SLC39A11: variants seen among roughly 807,000 people sequenced by gnomAD.
The protein encoded by SLC39A11 is zinc transporter ZIP11.
Under a neutral mutation model 36.1 loss-of-function variants are expected in SLC39A11, and 33 were observed. The ratio of observed to expected loss-of-function variants is 0.91; its 90% CI spans 0.69 to 1.22. The LOEUF (loss-of-function observed/expected upper bound fraction) is 1.22, where lower values mean the gene tolerates loss of function less well. Among genes scored for constraint, SLC39A11 ranks in the 50% most tolerant of loss-of-function variants. The pLI is 0.00. For synonymous variants in SLC39A11, 166 were observed against 170.3 expected (o/e 0.97, Z 0.20); for missense variants, 432 against 430.3 (o/e 1.00, Z -0.03).
At chr17:72,912,372 T>C (rs1471105766) in intron 5 of SLC39A11, among the ~76,000 whole-genome samples, 1 of 151,306 alleles carries the variant, frequency 6.6e-6, no homozygotes, top group African/African-American at 2.4e-5. Flanking sequence ...CTGGAGAAGG[T>C]GGTGCCCCAA....
chr17:72,656,740 G>A (rs966607133), intron 7 of SLC39A11, among the ~76,000 whole-genome samples: 40 of 152,172 alleles, frequency 2.6e-4, no homozygotes, highest in African/African-American at 9.2e-4. Flanking sequence ...TTGCTAGGAA[G>A]GGACAAAACC....
intron 6 of SLC39A11, among the ~76,000 whole-genome samples, chr17:72,846,388 T>C (rs1186681059): frequency 2.0e-5 from 3 of 152,182 alleles, no homozygotes; most frequent in Non-Finnish European, 4.4e-5. Context: ...AGGCTGAACT[T>C]AGACTTGGAA....
At chr17:72,991,563 T>C (rs1363909908) in intron 4 of SLC39A11, among the ~76,000 whole-genome samples, 4 of 152,154 alleles carry the variant, frequency 2.6e-5, no homozygotes, top group African/African-American at 9.7e-5. Context: ...TTCACCATGT[T>C]GGCCAGGCTG....
At chr17:73,050,685 GA>G (rs1166773155) in intron 3 of SLC39A11, among the ~76,000 whole-genome samples, 1 of 152,076 alleles carries the variant, frequency 6.6e-6, no homozygotes, top group Non-Finnish European at 1.5e-5. Flanking sequence ...GGCTGGTCTT[GA>G]ACTCTTGACC....
At chr17:72,909,742 T>G (rs1312546873) in intron 5 of SLC39A11, among the ~76,000 whole-genome samples, 1 of 100,896 alleles carries the variant, frequency 9.9e-6, no homozygotes, top group Non-Finnish European at 2.4e-5. Flanking sequence ...TTCTTTTTTT[T>G]CTTTTTTCTT....
chr17:72,738,924 A>G (rs942873919), intron 6 of SLC39A11, among the ~76,000 whole-genome samples: 4 of 152,166 alleles, frequency 2.6e-5, no homozygotes, highest in Admixed American at 6.5e-5. Flanking sequence ...AAGGCAGCGG[A>G]GACTTATCCC....
intron 4 of SLC39A11, among the ~76,000 whole-genome samples, chr17:73,018,543 A>G (rs1405551926): frequency 1.3e-5 from 2 of 151,966 alleles, no homozygotes; most frequent in African/African-American, 2.4e-5. Context: ...GCAAGACTCC[A>G]TAACAAAAAA....
intron 5 of SLC39A11, among the ~76,000 whole-genome samples, chr17:72,907,413 C>T (rs112769605): frequency 2.4e-3 from 371 of 152,266 alleles, no homozygotes; most frequent in African/African-American, 8.8e-3. Context: ...TCACTTGAAC[C>T]CAGGAGGCGG....
Position 72,938,488 on chromosome 17 carries a change from G to A in SLC39A11, c.430+9264C>T, listed in dbSNP as rs887622077. 2.6e-5 allele frequency among the ~76,000 whole-genome samples: 4 copies of A among 152,136 alleles called. No individual in the cohort carries two copies. In the South Asian group the frequency reaches 8.3e-4, roughly 32 times the overall value. On this transcript the variant is annotated intron_variant, in intron 5 of 9. Transcript: ENST00000255559. ...TAGGCACTTTTAGTAACAGGCAAAA[G>A]GTTGACATGGGAGTGAATAAATGCA...
rs2452909 is a variant in SLC39A11 at position 72,924,635 on chromosome 17, T to C, written c.430+23117A>G. ...AGCTACCAAGTCCCCAATGAAGATA[T>C]ATTCTCTAATACTTTTTCAGGTGTG... On this transcript the variant is annotated intron_variant, in intron 5 of 9. Transcript: ENST00000255559. 3.8e-3 allele frequency among the ~76,000 whole-genome samples: 583 copies of C among 152,148 alleles called. 6 individuals are homozygous for C. The highest frequency in any genetic ancestry group is 0.013 in the African/African-American group (538 of 41,524).
intron 7 of SLC39A11, among the ~76,000 whole-genome samples, chr17:72,708,886 A>G (rs2072999052): frequency 6.6e-6 from 1 of 151,664 alleles, no homozygotes; most frequent in South Asian, 2.1e-4. Flanking sequence ...TAACGCATGA[A>G]CTTTGCCTTT....
At chr17:72,833,091 A>G (rs1488815407) in intron 6 of SLC39A11, among the ~76,000 whole-genome samples, 2 of 152,228 alleles carry the variant, frequency 1.3e-5, no homozygotes, top group Non-Finnish European at 2.9e-5. Context: ...GACCATTGTC[A>G]AGCTACAAAT....
chr17:73,044,654 A>G (rs2059213312), intron 3 of SLC39A11, among the ~76,000 whole-genome samples: 1 of 152,162 alleles, frequency 6.6e-6, no homozygotes, highest in South Asian at 2.1e-4. Context: ...CAGGTGGATC[A>G]CTTGAGGCCA....
At chr17:72,810,302 CTCAT>C (rs2077394130) in intron 6 of SLC39A11, among the ~76,000 whole-genome samples, 1 of 152,128 alleles carries the variant, frequency 6.6e-6, no homozygotes, top group African/African-American at 2.4e-5. Context: ...ATACAAAACA[CTCAT>C]TGTGGTTTTT....
intron 5 of SLC39A11, among the ~76,000 whole-genome samples, chr17:72,946,875 C>G (rs1194302256): frequency 6.6e-6 from 1 of 152,216 alleles, no homozygotes; most frequent in Admixed American, 6.5e-5. Context: ...TCTCAAAGGG[C>G]AACAGCCCAC....
chr17:73,076,484 G>A (rs188388100), intron 3 of SLC39A11, among the ~76,000 whole-genome samples: 97 of 152,194 alleles, frequency 6.4e-4, no homozygotes, highest in African/African-American at 2.2e-3. Context: ...TGCAATGTAC[G>A]CACAACAAAT....
intron 7 of SLC39A11, among the ~76,000 whole-genome samples, chr17:72,655,035 C>A (rs899436594): frequency 2.6e-5 from 4 of 152,240 alleles, no homozygotes; most frequent in African/African-American, 9.6e-5. Context: ...GCTGCCAGCC[C>A]AAACAGCTGC....
chr17:72,918,135 G>C (rs140214015), intron 5 of SLC39A11, among the ~76,000 whole-genome samples: 4 of 152,232 alleles, frequency 2.6e-5, no homozygotes, highest in Non-Finnish European at 5.9e-5. Flanking sequence ...CTGGCTAGGC[G>C]TGGTGGCTCA....
chr17:72,926,423 T>C (rs989471680), intron 5 of SLC39A11, among the ~76,000 whole-genome samples: 3 of 152,180 alleles, frequency 2.0e-5, no homozygotes, highest in South Asian at 2.1e-4. Flanking sequence ...GGATTGTGTT[T>C]GTCTTGTGAA....
Sources: gnomAD v4.1 joint callset for allele counts (sites outside exome capture counted in the v4.1 genomes callset) on GRCh38, gnomAD v4.1.1 for gene constraint, MANE v1.5 for transcripts, NCBI Gene and HGNC (gene_info 2026-07-23, HGNC 2026-07-21) for gene names.